Variants in NUDT16L1 observed in about 807,000 individuals in gnomAD.
NUDT16L1 encodes the protein tudor-interacting repair regulator protein.
A neutral mutation model predicts 17.3 loss-of-function variants in NUDT16L1; 19 were observed. The ratio of observed to expected loss-of-function variants is 1.10; its 90% CI spans 0.77 to 1.61. The LOEUF is 1.61. Among genes scored for constraint, NUDT16L1 ranks in the 40% most tolerant of loss-of-function variants. The pLI is 0.00. For synonymous variants in NUDT16L1, 255 were observed against 138.6 expected (o/e 1.84, Z -5.90); for missense variants, 341 against 292.0 (o/e 1.17, Z -1.22).
intron 2 of NUDT16L1, 175 bp downstream of exon 2, chr16:4,694,413 G>A (rs1314357757): frequency 1.3e-6 from 2 of 1,494,970 alleles, no homozygotes; most frequent in Middle Eastern, 2.0e-4. Context: ...GGGAAAGGAG[G>A]GGCGGGGGTG....
exon 2 of NUDT16L1, chr16:4,694,006 G>T: frequency 6.3e-7 from 1 of 1,583,332 alleles, no homozygotes; most frequent in Non-Finnish European, 8.5e-7. Flanking sequence ...GGGCTGCTGG[G>T]CTTCCCCGGG....
exon 2 of NUDT16L1, chr16:4,694,069 T>C (rs780212021): frequency 1.3e-6 from 2 of 1,588,214 alleles, no homozygotes; most frequent in Admixed American, 3.4e-5. Context: ...AACCGGGTGC[T>C]GGGCCTGGGC....
chr16:4,693,964 G>T lies in NUDT16L1; in HGVS notation c.154-14G>T, dbSNP rs764085745. On this transcript the variant is annotated splice_polypyrimidine_tract_variant and intron_variant, in intron 1 of 2. Coordinates refer to ENST00000304301, the Ensembl canonical transcript of NUDT16L1. ...TCCGTCGACCCCGCGGCTGTGACCC[G>T]CGCTCCCTTGCAGATGCAGATGCGT... 1 of 1,547,870 alleles carries T rather than the reference G, an allele frequency of 6.5e-7. No homozygotes were observed. The highest frequency in any genetic ancestry group is 8.7e-7 in the Non-Finnish European group (1 of 1,155,712).
At chr16:4,695,700 T>A (rs765358038) in exon 3 of NUDT16L1, 16 of 404,390 alleles carry the variant, frequency 4.0e-5, no homozygotes, top group Non-Finnish European at 5.7e-5. Flanking sequence ...GATTTTCTCT[T>A]TCACCACGTG....
exon 3 of NUDT16L1, chr16:4,695,760 C>G (rs1048113565): frequency 5.5e-5 from 22 of 397,888 alleles, no homozygotes; most frequent in South Asian, 1.4e-4. Context: ...TGGCTTGGTT[C>G]CCAGGGACAG....
intron 2 of NUDT16L1, 142 bp downstream of exon 2, chr16:4,694,380 G>T: frequency 6.8e-7 from 1 of 1,478,430 alleles, no homozygotes; most frequent in Non-Finnish European, 9.0e-7. Flanking sequence ...GGGGTGGGGA[G>T]AGGGGTCTGG....
exon 3 of NUDT16L1, chr16:4,695,512 G>C: frequency 1.8e-6 from 1 of 546,422 alleles, no homozygotes; most frequent in East Asian, 2.9e-5. Context: ...GTCCCACAGG[G>C]GTGGCGCACA....
chr16:4,693,746 C>T lies in NUDT16L1; in HGVS notation c.20C>T (p.Pro7Leu), dbSNP rs938647481. 1.2e-5 allele frequency: 18 copies of T among 1,546,424 alleles called. No individual in the cohort carries two copies. The highest frequency in any genetic ancestry group is 1.8e-4 in the Middle Eastern group (1 of 5,714). Residue 7 changes from proline (P) to leucine (L), a missense_variant, in exon 1 of 3, where the codon CCG becomes CTG. Transcript: ENST00000304301. ...GCCAAGATGTCGACGGCGGCGGTTC[C>T]GGAGCTGAAGCAGATCAGCCGGGTG...
exon 3 of NUDT16L1, chr16:4,695,546 G>GGATGTGTGGGT (rs1338217671): frequency 4.4e-6 from 2 of 459,060 alleles, no homozygotes; most frequent in Non-Finnish European, 7.7e-6. Context: ...TCAGAAGATG[G>GGATGTGTGGGT]GATGTGTGGG....
chr16:4,695,314 C>T (rs953029530), exon 3 of NUDT16L1: 7 of 875,508 alleles, frequency 8.0e-6, no homozygotes, highest in Non-Finnish European at 1.0e-5. Context: ...ATCATCTCCA[C>T]TGTCCCAAGC....
Position 4,694,825 on chromosome 16 carries a change from T to A in NUDT16L1, c.415-133T>A, listed in dbSNP as rs2079503540. 5.5e-6 allele frequency: 8 copies of A among 1,455,682 alleles called. No individual in the cohort carries two copies. The East Asian group carries it at 2.0e-4, about 36-fold the overall frequency. The allele number at this position is 1,455,682 out of a possible 1,614,324, so 90.2% of individuals were successfully genotyped here. A position where few individuals can be genotyped will look rare whatever the true frequency, so the allele number is the denominator to read the frequency against. On this transcript the variant is annotated intron_variant, in intron 2 of 2. Transcript: ENST00000304301. ...GAGCTGGCTGGCTTCTGCCAGGCCC[T>A]GCGTGGGTCTCCCATTAAGTCCTTG...
chr16:4,695,820 G>T (rs535181344), exon 3 of NUDT16L1: 26 of 379,184 alleles, frequency 6.9e-5, no homozygotes, highest in Non-Finnish European at 6.1e-5. Flanking sequence ...CGAAGGAGAA[G>T]ACAATAAAGT....
chr16:4,695,850 G>GTGTT lies in NUDT16L1; in HGVS notation c.*673_*676dup, dbSNP rs951652691. On this transcript the variant is annotated 3_prime_UTR_variant, in exon 3 of 3. Transcript: ENST00000304301. ...TAAAGTCGCTCCGCAGCTGCTCTGTGTGTTTCTCAGCTGCCCTGTGTGTTT... is the reference window on the plus strand; with the variant it reads ...TAAAGTCGCTCCGCAGCTGCTCTGTGTGTTTGTTTCTCAGCTGCCCTGTGTGTTT... 2 of 324,036 alleles carry GTGTT rather than the reference G, an allele frequency of 6.2e-6. No homozygotes were observed. Among genetic ancestry groups the GTGTT allele is most frequent in the Admixed American group, 5.0e-5 (1 of 20,192 alleles). The allele number at this position is 324,036 out of a possible 1,614,324, so 20.1% of individuals were successfully genotyped here.
chr16:4,695,656 G>A (rs747963507), exon 3 of NUDT16L1: 70 of 407,906 alleles, frequency 1.7e-4, no homozygotes, highest in Non-Finnish European at 2.8e-4. Context: ...TAATAATACT[G>A]TTAATTTGGG....
At chr16:4,695,785 G>A (rs561497497) in exon 3 of NUDT16L1, 2 of 395,314 alleles carry the variant, frequency 5.1e-6, no homozygotes, top group East Asian at 7.2e-5. Context: ...GGCCTCGGGG[G>A]CCCAGCTATG....
exon 2 of NUDT16L1, chr16:4,694,163 C>T (rs768334887): frequency 6.9e-6 from 11 of 1,583,952 alleles, no homozygotes; most frequent in East Asian, 2.3e-5. Flanking sequence ...CGCACCTGTA[C>T]GCGCGGCAGC....
At chr16:4,693,626 C>A (rs1208810909), upstream of NUDT16L1, 1 of 1,274,430 alleles carries the variant, frequency 7.8e-7, no homozygotes, top group Non-Finnish European at 1.0e-6. Context: ...GCGGGGGAAC[C>A]GGACCCGGGG....
chr16:4,695,357 C>T (rs1052785296), exon 3 of NUDT16L1: 12 of 640,742 alleles, frequency 1.9e-5, no homozygotes, highest in African/African-American at 5.5e-5. Context: ...CAGCTGGAAC[C>T]CAGCCCATCC....
At position 4,694,524 on chromosome 16, in the gene NUDT16L1, G is replaced by A. The variant is rs565580814; in HGVS notation, c.414+286G>A. The stretch of plus-strand genomic sequence containing the variant: ...GGGAGTGGGATCGGTGGGGAGGAAG[G>A]GATGGGGGAGGAGCGGGGATTGCTT... On this transcript the variant is annotated intron_variant, in intron 2 of 2. Coordinates refer to ENST00000304301, the Ensembl canonical transcript of NUDT16L1. 4.7e-6 allele frequency: 7 copies of A among 1,483,552 alleles called. No homozygotes were observed. In the African/African-American group the frequency reaches 8.4e-5, roughly 18 times the overall value. The allele number at this position is 1,483,552 out of a possible 1,614,324, so 91.9% of individuals were successfully genotyped here.
Sources: allele counts gnomAD v4.1 joint callset, GRCh38; gene constraint gnomAD v4.1.1; transcripts MANE v1.5; gene names NCBI Gene and HGNC (gene_info 2026-07-23, HGNC 2026-07-21).